The following CRIM1 variants were observed in gnomAD, a reference collection of about 807,000 sequenced individuals.
CRIM1 encodes cysteine rich transmembrane BMP regulator 1.
Under a neutral mutation model 116.4 loss-of-function variants are expected in CRIM1, and 32 were observed. That is an observed-to-expected ratio of 0.27 (90% CI 0.21 to 0.37). The LOEUF (loss-of-function observed/expected upper bound fraction) is 0.37. Ranked by LOEUF, CRIM1 falls within the 10% of genes least tolerant of loss-of-function variation. The probability of loss-of-function intolerance (pLI) is 1.00; values close to 1 mark genes in which losing one functional copy is unlikely to be tolerated. For synonymous variants in CRIM1, 590 were observed against 509.2 expected (o/e 1.16, Z -2.13); for missense variants, 1,331 against 1,354.8 (o/e 0.98, Z 0.28).
rs562188364 is a variant in CRIM1, at chr2:36,428,130, G to A, written c.506-13128G>A. Among the ~76,000 whole-genome samples the A allele has an allele frequency of 3.9e-5, 6 of 152,344 alleles. No individual in the cohort carries two copies. In the South Asian group the frequency reaches 1.0e-3, roughly 26 times the overall value. On this transcript the variant is annotated intron_variant, in intron 2 of 16. Coordinates refer to ENST00000280527, the MANE Select transcript of CRIM1 (RefSeq NM_016441.3). ...GATCAAATAACTATCAGTGTAAGAT[G>A]CAGACTACAGACTGAAAAATGAGAA...
intron 2 of CRIM1, among the ~76,000 whole-genome samples, chr2:36,400,710 A>G (rs1334109110): frequency 6.6e-6 from 1 of 152,172 alleles, no homozygotes; most frequent in Non-Finnish European, 1.5e-5. Flanking sequence ...AAGAAGGTGA[A>G]GGGAACATCC....
intron 2 of CRIM1, among the ~76,000 whole-genome samples, chr2:36,438,550 T>TG (rs1433681888): frequency 6.6e-6 from 1 of 152,126 alleles, no homozygotes; most frequent in African/African-American, 2.4e-5. Context: ...GGCAGTTCCT[T>TG]GGGGGGTTAT....
At chr2:36,371,380 A>G (rs529684672) in intron 1 of CRIM1, among the ~76,000 whole-genome samples, 1 of 152,244 alleles carries the variant, frequency 6.6e-6, no homozygotes, top group South Asian at 2.1e-4. Context: ...GAGTGCCAGG[A>G]TTGTGTGTTA....
intron 7 of CRIM1, among the ~76,000 whole-genome samples, chr2:36,485,244 C>A (rs555694793): frequency 6.6e-6 from 1 of 152,190 alleles, no homozygotes; most frequent in Non-Finnish European, 1.5e-5. Flanking sequence ...TTCCTGCCAC[C>A]TGGCTTTCTT....
At chr2:36,377,126 T>C (rs949488489) in intron 1 of CRIM1, among the ~76,000 whole-genome samples, 7 of 152,208 alleles carry the variant, frequency 4.6e-5, no homozygotes, top group Admixed American at 3.3e-4. Flanking sequence ...CACAGGTGTT[T>C]TCTGCTGTTC....
intron 7 of CRIM1, among the ~76,000 whole-genome samples, chr2:36,484,962 GTTAT>G (rs143134588): frequency 8.5e-5 from 13 of 152,298 alleles, no homozygotes; most frequent in Non-Finnish European, 1.5e-4. Context: ...AAGTCAAAGA[GTTAT>G]TTGTAGATTG....
At chr2:36,412,551 C>T (rs892722380) in intron 2 of CRIM1, among the ~76,000 whole-genome samples, 2 of 152,236 alleles carry the variant, frequency 1.3e-5, no homozygotes, top group East Asian at 1.9e-4. Flanking sequence ...GACTTTGATG[C>T]TTCATGGATT....
chr2:36,492,846 C>G (rs1680325671), intron 7 of CRIM1, among the ~76,000 whole-genome samples: 1 of 152,146 alleles, frequency 6.6e-6, no homozygotes, highest in African/African-American at 2.4e-5. Context: ...CCCTCCAACC[C>G]CCCAATCCCT....
At chr2:36,357,163 C>T (rs986810594) in intron 1 of CRIM1, among the ~76,000 whole-genome samples, 2 of 152,188 alleles carry the variant, frequency 1.3e-5, no homozygotes, top group Non-Finnish European at 2.9e-5. Context: ...TCACCCCTTC[C>T]TCCTCCTCCG....
chr2:36,370,366 G>C (rs1173575549), intron 1 of CRIM1, among the ~76,000 whole-genome samples: 1 of 151,922 alleles, frequency 6.6e-6, no homozygotes, highest in East Asian at 1.9e-4. Context: ...GTTTTTTGTT[G>C]GCAGTAGATG....
chr2:36,378,316 T>C (rs1248187747), intron 1 of CRIM1: 1 of 471,170 alleles, frequency 2.1e-6, no homozygotes, highest in Admixed American at 2.3e-5. Context: ...TGTTCATGAT[T>C]GTCCTCCTAG....
intron 7 of CRIM1, among the ~76,000 whole-genome samples, chr2:36,493,916 G>A (rs1369245946): frequency 2.0e-5 from 3 of 152,108 alleles, no homozygotes; most frequent in Non-Finnish European, 4.4e-5. Context: ...TGTTCTCCCA[G>A]AGTTGTTGAA....
chr2:36,397,182 CTT>C (rs898064224), intron 2 of CRIM1, among the ~76,000 whole-genome samples: 4 of 152,270 alleles, frequency 2.6e-5, no homozygotes, highest in African/African-American at 9.6e-5. Flanking sequence ...AGAGTTATCT[CTT>C]TAGCAGAAAT....
chr2:36,411,116 T>C (rs1489811959), intron 2 of CRIM1, among the ~76,000 whole-genome samples: 1 of 152,232 alleles, frequency 6.6e-6, no homozygotes, highest in Non-Finnish European at 1.5e-5. Flanking sequence ...ACTATTCCAC[T>C]TACATGTTCT....
intron 8 of CRIM1, among the ~76,000 whole-genome samples, chr2:36,506,157 A>ACACACTCT (rs1397944202): frequency 8.0e-6 from 1 of 125,202 alleles, no homozygotes. Context: ...ACACACACAC[A>ACACACTCT]CTCTCTCTCT....
chr2:36,359,588 A>C (rs1183273443), intron 1 of CRIM1, among the ~76,000 whole-genome samples: 1 of 152,240 alleles, frequency 6.6e-6, no homozygotes, highest in African/African-American at 2.4e-5. Context: ...TCCTATCCAT[A>C]GAAAGAATGC....
chr2:36,365,122 G>A lies in CRIM1; in HGVS notation c.331+8499G>A, dbSNP rs151046025. On this transcript the variant is annotated intron_variant, in intron 1 of 16. Coordinates refer to ENST00000280527, the MANE Select transcript of CRIM1 (RefSeq NM_016441.3). ...CCGAGAACAGGGGGCTGGGAATACA[G>A]GGTCTATGCACCAAGGAAACATGCG... Among the ~76,000 whole-genome samples, 11 of 152,230 alleles carry A rather than the reference G, an allele frequency of 7.2e-5. No homozygotes were observed. In the East Asian group the frequency reaches 2.1e-3, roughly 29 times the overall value.
intron 4 of CRIM1, among the ~76,000 whole-genome samples, chr2:36,446,995 GA>G (rs1387347508): frequency 4.6e-5 from 7 of 152,100 alleles, no homozygotes; most frequent in Non-Finnish European, 7.4e-5. Context: ...TTGCAGGGAA[GA>G]AAAAAACCAA....
intron 7 of CRIM1, among the ~76,000 whole-genome samples, chr2:36,482,964 G>GC (rs1679532777): frequency 6.6e-6 from 1 of 152,160 alleles, no homozygotes; most frequent in African/African-American, 2.4e-5. Flanking sequence ...GAACCTGGGG[G>GC]CCCTTAAAGA....
Sources: allele counts gnomAD v4.1 joint callset (sites outside exome capture counted in the v4.1 genomes callset), GRCh38; gene constraint gnomAD v4.1.1; transcripts MANE v1.5; gene names NCBI Gene and HGNC (gene_info 2026-07-23, HGNC 2026-07-21).